Variants in C1QC observed in about 807,000 individuals in gnomAD.
The protein encoded by C1QC is complement C1q subcomponent subunit C.
Under a neutral mutation model 5.9 loss-of-function variants are expected in C1QC, and 4 were observed. The ratio of observed to expected loss-of-function variants is 0.68; its 90% CI spans 0.33 to 1.55. The LOEUF (loss-of-function observed/expected upper bound fraction) is 1.55, where lower values mean the gene tolerates loss of function less well. C1QC is among the 40% of genes most tolerant of loss of function. C1QC has a pLI of 0.06. For missense variants in C1QC, 299 were observed against 326.9 expected (o/e 0.91, Z 0.66); for synonymous variants, 166 against 153.8 (o/e 1.08, Z -0.59).
Position 22,647,472 on chromosome 1 carries a change from G to T in C1QC, c.427G>T (p.Val143Phe). 6.2e-7 allele frequency: 1 copy of T among 1,614,160 alleles called. No homozygotes were observed. The highest frequency in any genetic ancestry group is 8.5e-7 in the Non-Finnish European group (1 of 1,180,038). Residue 143 changes from valine to phenylalanine, a missense_variant, in exon 3 of 3, where the codon GTC becomes TTC. By Grantham distance (50) the Val-to-Phe change is conservative. Transcript: ENST00000374640. The part of the protein sequence containing the change: ...APNSLIRFNA[V>F]LTNPQGDYDT... Reference sequence around the variant, plus strand: ...CAACAGCCTGATCAGATTCAACGCGGTCCTCACCAACCCGCAGGGAGATTA... The same window carrying T: ...CAACAGCCTGATCAGATTCAACGCGTTCCTCACCAACCCGCAGGGAGATTA...
chr1:22,645,396 G>A (rs1256098494), intron 2 of C1QC, among the ~76,000 whole-genome samples: 1 of 152,100 alleles, frequency 6.6e-6, no homozygotes, highest in African/African-American at 2.4e-5. Flanking sequence ...ACAATCCCTT[G>A]AAAAAGTGAT....
At position 22,647,920 on chromosome 1, in the gene C1QC, C is replaced by A; in HGVS notation, c.*137C>A. 2 of 1,131,248 alleles carry A rather than the reference C, an allele frequency of 1.8e-6. No homozygotes were observed. The highest frequency in any genetic ancestry group is 2.5e-6 in the Non-Finnish European group (2 of 803,030). The allele number at this position is 1,131,248 out of a possible 1,614,324, so 70.1% of individuals were successfully genotyped here. On this transcript the variant is annotated 3_prime_UTR_variant, in exon 3 of 3. Transcript: ENST00000374640. The stretch of plus-strand genomic sequence containing the variant: ...TGGACTTCTCCTCCAGGGAGCCCAC[C>A]CTGACCCACCCCCACTGCACCCCCT...
At chr1:22,644,994 G>A (rs1642345409) in intron 2 of C1QC, among the ~76,000 whole-genome samples, 2 of 152,230 alleles carry the variant, frequency 1.3e-5, no homozygotes, top group South Asian at 4.1e-4. Flanking sequence ...GGGTATGAGT[G>A]CCTTGTCTGT....
chr1:22,647,657 G>T lies in C1QC; in HGVS notation c.612G>T (p.Ser204=). 1.9e-6 allele frequency: 3 copies of T among 1,612,804 alleles called. No homozygotes were observed. In the South Asian group the frequency reaches 3.3e-5, roughly 18 times the overall value. Residue 204 remains serine (S), a synonymous_variant, in exon 3 of 3, where the codon TCG becomes TCT. Coordinates refer to ENST00000374640, the MANE Select transcript of C1QC (RefSeq NM_172369.5). ...CGTCCAAAACCAATCAGGTCAACTCGGGCGGTGTGCTGCTGAGGTTGCAGG... is the reference window on the plus strand; with the variant it reads ...CGTCCAAAACCAATCAGGTCAACTCTGGCGGTGTGCTGCTGAGGTTGCAGG... ...GHTSKTNQVN[S]GGVLLRLQVG... is the part of the protein sequence containing the mutation.
rs772835925 is a variant in C1QC, at chr1:22,644,140, C to T, written c.117C>T (p.Pro39=). The T allele has an allele frequency of 2.9e-5, 46 of 1,584,972 alleles. No individual in the cohort carries two copies. The highest frequency in any genetic ancestry group is 4.6e-5 in the East Asian group (2 of 43,940). Residue 39 remains proline, a synonymous_variant, in exon 2 of 3, where the codon CCC becomes CCT. Transcript: ENST00000374640. ...NTGCYGIPGM[P]GLPGAPGKDG... is the part of the protein sequence containing the mutation. The stretch of plus-strand genomic sequence containing the variant: ...GCTGCTACGGGATCCCAGGGATGCC[C>T]GGCCTGCCCGGGGCACCAGGGAAGG...
Position 22,647,332 on chromosome 1 carries a change from C to T in C1QC, c.287C>T (p.Pro96Leu), listed in dbSNP as rs1033462692. The change falls in exon 3 of 3, where the codon CCA (proline) becomes CTA (leucine). Residue 96 changes from proline to leucine, a missense_variant. Transcript: ENST00000374640. ...GGCCCCATGGGACCCCCTGGGATGC[C>T]AGGGGTGCCCGGCCCCATGGGCATC... ...KNGPMGPPGM[P>L]GVPGPMGIPG... 1.2e-6 allele frequency: 2 copies of T among 1,613,980 alleles called. No individual in the cohort carries two copies. The highest frequency in any genetic ancestry group is 1.7e-6 in the Non-Finnish European group (2 of 1,179,964).
At position 22,647,921 on chromosome 1, in the gene C1QC, C is replaced by G; in HGVS notation, c.*138C>G. ...GGACTTCTCCTCCAGGGAGCCCACC[C>G]TGACCCACCCCCACTGCACCCCCTC... On this transcript the variant is annotated 3_prime_UTR_variant, in exon 3 of 3. Transcript: ENST00000374640. The G allele has an allele frequency of 8.8e-7, 1 of 1,142,212 alleles. No individual in the cohort carries two copies. Among genetic ancestry groups the G allele is most frequent in the Non-Finnish European group, 1.2e-6 (1 of 809,200 alleles). The allele number at this position is 1,142,212 out of a possible 1,614,324, so 70.8% of individuals were successfully genotyped here. A position where few individuals can be genotyped will look rare whatever the true frequency, so the allele number is the denominator to read the frequency against.
rs1281910503 is a variant in C1QC, at chr1:22,644,071, G to A, written c.48G>A (p.Leu16=). ...SSLPHLGLKL[L]LLLLLLPLRG... is the part of the protein sequence containing the mutation. ...TGCCCCACCTTGGGCTGAAGCTGCT[G>A]CTGCTCCTGCTGCTGCTGCCCCTCA... Residue 16 remains leucine (L), a synonymous_variant, in exon 2 of 3, where the codon CTG becomes CTA. Coordinates refer to ENST00000374640, the MANE Select transcript of C1QC (RefSeq NM_172369.5). 1.3e-6 allele frequency: 2 copies of A among 1,580,376 alleles called. No individual in the cohort carries two copies. The highest frequency in any genetic ancestry group is 1.9e-5 in the Admixed American group (1 of 53,616).
At chr1:22,644,270 T>G in intron 2 of C1QC, 66 bp downstream of exon 2, 3 of 1,454,534 alleles carry the variant, frequency 2.1e-6, no homozygotes, top group East Asian at 2.6e-5. Context: ...TGTCTGGGGC[T>G]GACCAAGGGG....
In C1QC at chr1:22,644,123, G is replaced by A. The variant is rs200206736; in HGVS notation, c.100G>A (p.Gly34Arg). The change falls in exon 2 of 3, where the codon GGG becomes AGG. Residue 34 changes from glycine to arginine, a missense_variant. Gly to Arg is a moderately radical substitution (Grantham distance 125). Around this residue, in one of 3 missense-constraint regions of C1QC, gnomAD observed 146 missense variants for 144.1 expected, o/e 1.01. Transcript: ENST00000374640. ...LRGQANTGCY[G>R]IPGMPGLPGA... ...GGGCCAAGCCAACACAGGCTGCTAC[G>A]GGATCCCAGGGATGCCCGGCCTGCC... 130 of 1,582,968 alleles carry A rather than the reference G, an allele frequency of 8.2e-5. No individual in the cohort carries two copies. The highest frequency in any genetic ancestry group is 1.7e-4 in the Middle Eastern group (1 of 6,028).
chr1:22,644,596 G>C (rs757916589), intron 2 of C1QC, among the ~76,000 whole-genome samples: 1 of 152,292 alleles, frequency 6.6e-6, no homozygotes, highest in African/African-American at 2.4e-5. Context: ...CGACTGCCAG[G>C]GTTCAAATCC....
At chr1:22,644,898 G>C (rs1292826247) in intron 2 of C1QC, among the ~76,000 whole-genome samples, 2 of 152,170 alleles carry the variant, frequency 1.3e-5, no homozygotes, top group Admixed American at 6.5e-5. Context: ...AGAAACTTCT[G>C]TTGGAGGTCC....
Position 22,643,682 on chromosome 1 carries a change from C to T in C1QC, c.-46C>T. The T allele has an allele frequency of 2.6e-6, 3 of 1,141,502 alleles. No homozygotes were observed. The South Asian group carries it at 1.1e-4, about 40-fold the overall frequency. The allele number at this position is 1,141,502 out of a possible 1,614,324, so 70.7% of individuals were successfully genotyped here. On this transcript the variant is annotated 5_prime_UTR_variant, in exon 1 of 3. Coordinates refer to ENST00000374640, the MANE Select transcript of C1QC (RefSeq NM_172369.5). Reference sequence around the variant, plus strand: ...AGAGGGGAAGCAGATCTGAGGACATCTCTGTGCCAGGCCAGAAACCGCCCA... The same window carrying T: ...AGAGGGGAAGCAGATCTGAGGACATTTCTGTGCCAGGCCAGAAACCGCCCA...
At position 22,647,090 on chromosome 1, in the gene C1QC, C is replaced by G. The variant is rs982959122; in HGVS notation, c.182-137C>G. 15 of 1,039,396 alleles carry G rather than the reference C, an allele frequency of 1.4e-5. No individual in the cohort carries two copies. The East Asian group carries it at 3.6e-4, about 25-fold the overall frequency. 64.4% of individuals were successfully genotyped at this position (1,039,396 alleles called of 1,614,324 possible). On this transcript the variant is annotated intron_variant, in intron 2 of 2. Transcript: ENST00000374640. Reference sequence around the variant, plus strand: ...AAAGCCTAACTCCCTGCACCCTGCTCCTAGGGAGATAGCCCATCTATGAGA... The same window carrying G: ...AAAGCCTAACTCCCTGCACCCTGCTGCTAGGGAGATAGCCCATCTATGAGA...
chr1:22,647,323 CT>C lies in C1QC; in HGVS notation c.279del (p.Met95CysfsTer43). The C allele has an allele frequency of 6.2e-7, 1 of 1,613,958 alleles. No individual in the cohort carries two copies. ...HPGKNGPMGP[P>X]GMPGVPGPMG... ...GGGAAAAATGGCCCCATGGGACCCC[CT>C]GGGATGCCAGGGGTGCCCGGCCCCA... On this transcript the variant is annotated frameshift_variant, in exon 3 of 3. Transcript: ENST00000374640. LOFTEE classifies it low-confidence loss of function (END_TRUNC).
At position 22,647,646 on chromosome 1, in the gene C1QC, C is replaced by T; in HGVS notation, c.601C>T (p.Gln201Ter). Reference sequence around the variant, plus strand: ...CTGTGGCCACACGTCCAAAACCAATCAGGTCAACTCGGGCGGTGTGCTGCT... The same window carrying T: ...CTGTGGCCACACGTCCAAAACCAATTAGGTCAACTCGGGCGGTGTGCTGCT... ...TFCGHTSKTN[Q>*]VNSGGVLLRL... Residue 201 changes from glutamine (Q) to a stop codon, truncating the protein, a stop_gained, in exon 3 of 3, where the codon CAG (glutamine) becomes TAG (stop). Transcript: ENST00000374640. LOFTEE classifies it high-confidence loss of function. The T allele has an allele frequency of 6.2e-7, 1 of 1,613,708 alleles. No individual in the cohort carries two copies. Among genetic ancestry groups the T allele is most frequent in the South Asian group, 1.1e-5 (1 of 91,092 alleles).
chr1:22,647,299 G>A lies in C1QC; in HGVS notation c.254G>A (p.Gly85Glu). 1 of 1,613,624 alleles carries A rather than the reference G, an allele frequency of 6.2e-7. No individual in the cohort carries two copies. The highest frequency in any genetic ancestry group is 8.5e-7 in the Non-Finnish European group (1 of 1,179,966). The change falls in exon 3 of 3, where the codon GGG becomes GAG. Residue 85 changes from glycine (G) to glutamate (E), a missense_variant. Physicochemically the swap from Gly to Glu is moderately conservative, Grantham distance 98. Coordinates refer to ENST00000374640, the MANE Select transcript of C1QC (RefSeq NM_172369.5). The part of the protein sequence containing the change: ...KGEPGLPGHP[G>E]KNGPMGPPGM... ...GAACCCGGCTTACCCGGCCATCCTG[G>A]GAAAAATGGCCCCATGGGACCCCCT...
Position 22,647,675 on chromosome 1 carries a change from G to T in C1QC, c.630G>T (p.Arg210Ser). Residue 210 changes from arginine to serine, a missense_variant, in exon 3 of 3, where the codon AGG (arginine) becomes AGT (serine). By Grantham distance (110) the Arg-to-Ser change is moderately radical. Around this residue, in one of 3 missense-constraint regions of C1QC, gnomAD observed 144 missense variants for 155.1 expected, o/e 0.93. Coordinates refer to ENST00000374640, the MANE Select transcript of C1QC (RefSeq NM_172369.5). The stretch of plus-strand genomic sequence containing the variant: ...TCAACTCGGGCGGTGTGCTGCTGAG[G>T]TTGCAGGTGGGCGAGGAGGTGTGGC... Reference protein sequence around the residue: ...NQVNSGGVLLRLQVGEEVWLA... With the variant: ...NQVNSGGVLLSLQVGEEVWLA... The T allele has an allele frequency of 6.2e-7, 1 of 1,610,380 alleles. No homozygotes were observed.
intron 2 of C1QC, among the ~76,000 whole-genome samples, chr1:22,645,224 C>T (rs2148295629): frequency 6.6e-6 from 1 of 152,160 alleles, no homozygotes; most frequent in South Asian, 2.1e-4. Flanking sequence ...TTAGGGTGAG[C>T]TCAAAGCTCA....
Sources: allele counts gnomAD v4.1 joint callset (sites outside exome capture counted in the v4.1 genomes callset), GRCh38; gene constraint gnomAD v4.1.1; regional missense constraint gnomAD v4.1.1; transcripts MANE v1.5; gene names NCBI Gene and HGNC (gene_info 2026-07-23, HGNC 2026-07-21).